Variants in ELMOD1 observed in about 807,000 individuals in gnomAD.
ELMOD1 encodes ELMO domain-containing protein 1.
ELMOD1 carries 21 observed loss-of-function variants against 46.7 expected under a neutral mutation model. The ratio of observed to expected loss-of-function variants is 0.45; its 90% CI spans 0.32 to 0.65. The LOEUF (loss-of-function observed/expected upper bound fraction) is 0.65. Among genes scored for constraint, ELMOD1 ranks in the 30% least tolerant of loss-of-function variants. The probability of loss-of-function intolerance (pLI) is 0.04; values close to 1 mark genes in which losing one functional copy is unlikely to be tolerated. For synonymous variants in ELMOD1, 122 were observed against 138.2 expected (o/e 0.88, Z 0.82); for missense variants, 348 against 407.8 (o/e 0.85, Z 1.26).
intron 11 of ELMOD1, among the ~76,000 whole-genome samples, chr11:107,664,060 A>C (rs1394686141): frequency 6.6e-6 from 1 of 152,174 alleles, no homozygotes; most frequent in Non-Finnish European, 1.5e-5. Flanking sequence ...ATCACAGCTC[A>C]TTGCAGCCTC....
In ELMOD1 at chr11:107,654,185, G is replaced by T. The variant is rs1866579065; in HGVS notation, c.661G>T (p.Ala221Ser). The change falls in exon 10 of 12, where the codon GCA becomes TCA. Residue 221 changes from alanine to serine, a missense_variant. Physicochemically the swap from Ala to Ser is moderately conservative, Grantham distance 99 (BLOSUM62 1). Transcript: ENST00000265840. ...TKEEISKFSK[A>S]EWEKKRMDKA... ...TCATCCATTCAGCAAATTCAGCAAAGCAGAATGGGAGAAGAAAAGGATGGA... is the reference window on the plus strand; with the variant it reads ...TCATCCATTCAGCAAATTCAGCAAATCAGAATGGGAGAAGAAAAGGATGGA... 1 of 1,588,136 alleles carries T rather than the reference G, an allele frequency of 6.3e-7. No homozygotes were observed. The highest frequency in any genetic ancestry group is 8.6e-7 in the Non-Finnish European group (1 of 1,166,342).
chr11:107,607,851 G>A (rs1286224965), intron 1 of ELMOD1, among the ~76,000 whole-genome samples: 5 of 152,058 alleles, frequency 3.3e-5, no homozygotes, highest in Non-Finnish European at 7.4e-5. Flanking sequence ...CACCTGAAAT[G>A]AGAATAGCGC....
At chr11:107,650,806 TC>T in intron 8 of ELMOD1, 78 bp from the exon 9 acceptor site, 1 of 950,990 alleles carries the variant, frequency 1.1e-6, no homozygotes, top group Non-Finnish European at 1.5e-6. Context: ...TTTTTTTCTT[TC>T]TTTCTTGTAA....
chr11:107,644,782 A>G (rs1044738184), intron 6 of ELMOD1, among the ~76,000 whole-genome samples: 2 of 152,008 alleles, frequency 1.3e-5, no homozygotes. Context: ...CCAAAACAAT[A>G]TATTTTTTAG....
chr11:107,616,497 A>G (rs908952419), intron 1 of ELMOD1, among the ~76,000 whole-genome samples: 2 of 151,522 alleles, frequency 1.3e-5, no homozygotes, highest in Non-Finnish European at 2.9e-5. Flanking sequence ...TCCTGCCTCA[A>G]TCTCCTGAGT....
At chr11:107,656,509 G>C (rs1866636636) in intron 11 of ELMOD1, among the ~76,000 whole-genome samples, 1 of 150,716 alleles carries the variant, frequency 6.6e-6, no homozygotes. Context: ...AAGAGAAAGA[G>C]AGAGATTTCT....
At chr11:107,662,908 T>G (rs1866768276) in intron 11 of ELMOD1, among the ~76,000 whole-genome samples, 1 of 151,938 alleles carries the variant, frequency 6.6e-6, no homozygotes, top group African/African-American at 2.4e-5. Flanking sequence ...ATTTTTTTTT[T>G]TGTAGAAACG....
intron 6 of ELMOD1, among the ~76,000 whole-genome samples, chr11:107,636,616 A>G (rs919844063): frequency 1.3e-5 from 2 of 152,226 alleles, no homozygotes; most frequent in Admixed American, 1.3e-4. Context: ...AAAAATGTCA[A>G]CAGAAGGCGT....
At chr11:107,633,129 A>G (rs1490053370) in intron 5 of ELMOD1, among the ~76,000 whole-genome samples, 2 of 152,214 alleles carry the variant, frequency 1.3e-5, no homozygotes, top group African/African-American at 4.8e-5. Context: ...TGTATATGCA[A>G]CTATTCCAAA....
At position 107,666,112 on chromosome 11, in the gene ELMOD1, T is replaced by C. The variant is rs1453933837; in HGVS notation, c.*915T>C. Reference sequence around the variant, plus strand: ...AGAAGTAACTTTAGGTAGGAGCTGTTTTTGTTTGAAGTACTGCAAAATTAT... The same window carrying C: ...AGAAGTAACTTTAGGTAGGAGCTGTCTTTGTTTGAAGTACTGCAAAATTAT... On this transcript the variant is annotated 3_prime_UTR_variant, in exon 12 of 12. Coordinates refer to ENST00000265840, the MANE Select transcript of ELMOD1 (RefSeq NM_018712.4). 3 of 152,196 alleles carry C rather than the reference T, an allele frequency of 2.0e-5. No homozygotes were observed. The highest frequency in any genetic ancestry group is 7.2e-5 in the African/African-American group (3 of 41,438). 9.4% of individuals were successfully genotyped at this position (152,196 alleles called of 1,614,324 possible).
intron 1 of ELMOD1, among the ~76,000 whole-genome samples, chr11:107,615,569 C>G (rs1047684264): frequency 6.6e-6 from 1 of 152,128 alleles, no homozygotes; most frequent in Non-Finnish European, 1.5e-5. Context: ...ATACATTTGT[C>G]ACAACTAATG....
rs1481614577 is a variant in ELMOD1 at position 107,666,634 on chromosome 11, T to C, written c.*1437T>C. On this transcript the variant is annotated 3_prime_UTR_variant, in exon 12 of 12. Coordinates refer to ENST00000265840, the MANE Select transcript of ELMOD1 (RefSeq NM_018712.4). Reference sequence around the variant, plus strand: ...GTTGAATAGTATTTACCATGGCATTTCATACCCATGGTATTTTATACCTTC... The same window carrying C: ...GTTGAATAGTATTTACCATGGCATTCCATACCCATGGTATTTTATACCTTC... 1.3e-5 allele frequency: 2 copies of C among 152,702 alleles called. No homozygotes were observed. The highest frequency in any genetic ancestry group is 6.5e-5 in the Admixed American group (1 of 15,290). 9.5% of individuals were successfully genotyped at this position (152,702 alleles called of 1,614,324 possible).
intron 6 of ELMOD1, among the ~76,000 whole-genome samples, chr11:107,647,146 C>G (rs536092702): frequency 6.6e-6 from 1 of 152,050 alleles, no homozygotes; most frequent in Admixed American, 6.6e-5. Context: ...ACAATGAGAG[C>G]GAAAAGGCAA....
intron 6 of ELMOD1, among the ~76,000 whole-genome samples, chr11:107,644,725 C>T (rs1189313595): frequency 2.0e-5 from 3 of 152,194 alleles, no homozygotes; most frequent in Non-Finnish European, 2.9e-5. Context: ...CCGCCCGCCT[C>T]GGCCTCCCAA....
At chr11:107,655,588 T>TTTTG (rs55920880) in intron 10 of ELMOD1, among the ~76,000 whole-genome samples, 1 of 149,998 alleles carries the variant, frequency 6.7e-6, no homozygotes. Context: ...TTTTTTTTTT[T>TTTTG]GTAAAGTGAA....
At chr11:107,627,322 A>G (rs981416777) in intron 2 of ELMOD1, among the ~76,000 whole-genome samples, 5 of 152,210 alleles carry the variant, frequency 3.3e-5, no homozygotes, top group African/African-American at 7.2e-5. Context: ...AATGTGCACA[A>G]TTGAAATTGT....
intron 1 of ELMOD1, among the ~76,000 whole-genome samples, chr11:107,614,409 G>A (rs1865827132): frequency 1.3e-5 from 2 of 152,116 alleles, no homozygotes; most frequent in Non-Finnish European, 2.9e-5. Flanking sequence ...TGCAATCTTG[G>A]CTCACTGCAA....
intron 2 of ELMOD1, 40 bp from the exon 3 acceptor site, chr11:107,630,377 A>G: frequency 1.3e-6 from 2 of 1,534,936 alleles, no homozygotes; most frequent in Non-Finnish European, 1.8e-6. Context: ...CTTCTCTTCC[A>G]GAGTTCTATT....
At chr11:107,647,727 C>T (rs1024397743) in intron 7 of ELMOD1, 126 bp downstream of exon 7, 6 of 910,936 alleles carry the variant, frequency 6.6e-6, no homozygotes, top group African/African-American at 1.7e-5. Flanking sequence ...ACATTCAAGT[C>T]CCCTGAGAGG....
Sources: gnomAD v4.1 joint callset for allele counts (sites outside exome capture counted in the v4.1 genomes callset) on GRCh38, gnomAD v4.1.1 for gene constraint, MANE v1.5 for transcripts, NCBI Gene and HGNC (gene_info 2026-07-23, HGNC 2026-07-21) for gene names.